The following AGAP1 variants were observed in gnomAD, a reference collection of about 807,000 sequenced individuals.
AGAP1 encodes the protein ArfGAP with GTPase domain, ankyrin repeat and PH domain 1, also known as arf-GAP with GTPase, ANK repeat and PH domain-containing protein 1.
In AGAP1, 29 loss-of-function variants were observed where a neutral mutation model predicts 105.3. That is an observed-to-expected ratio of 0.28 (90% CI 0.21 to 0.38). AGAP1 has a LOEUF of 0.38. Ranked by LOEUF, AGAP1 falls within the 10% of genes least tolerant of loss-of-function variation. AGAP1 has a pLI of 1.00. For synonymous variants in AGAP1, 509 were observed against 485.9 expected (o/e 1.05, Z -0.63); for missense variants, 998 against 1,165.1 (o/e 0.86, Z 2.09).
rs1476418003 is a variant in AGAP1 at position 235,725,656 on chromosome 2, A to G, written c.310+8012A>G. Among the ~76,000 whole-genome samples the G allele has an allele frequency of 6.6e-6, 1 of 152,204 alleles. No homozygotes were observed. Among genetic ancestry groups the G allele is most frequent in the Non-Finnish European group, 1.5e-5 (1 of 68,036 alleles). On this transcript the variant is annotated intron_variant, in intron 3 of 17. Transcript: ENST00000304032. This position sits in a 1 kb window ranked among gnomAD's most constrained non-coding sequence, Gnocchi z 5.7. Reference sequence around the variant, plus strand: ...ATTTTTTAATGAGAATTATCTGTAAACGTTGAGATGATGAGCCTGCTGCTA... The same window carrying G: ...ATTTTTTAATGAGAATTATCTGTAAGCGTTGAGATGATGAGCCTGCTGCTA...
chr2:235,684,297 G>A (rs932081279), intron 1 of AGAP1, among the ~76,000 whole-genome samples: 2 of 152,096 alleles, frequency 1.3e-5, no homozygotes, highest in African/African-American at 4.8e-5. Context: ...ACCCGCCTCG[G>A]CCTCCCAAAG....
In AGAP1 at chr2:236,003,202, G is replaced by A. The variant is rs1275576356; in HGVS notation, c.1646-33359G>A. ...TGGGACTACAGGCACATGCCGCCAC[G>A]CCCAGCTAATTTTTGTATTTTTAGT... On this transcript the variant is annotated intron_variant, in intron 13 of 17. Transcript: ENST00000304032. This position sits in a 1 kb window ranked among gnomAD's most constrained non-coding sequence, Gnocchi z 4.2. Among the ~76,000 whole-genome samples the A allele has an allele frequency of 5.9e-5, 9 of 152,006 alleles. No homozygotes were observed. The highest frequency in any genetic ancestry group is 4.2e-4 in the South Asian group (2 of 4,812).
At position 235,736,990 on chromosome 2, in the gene AGAP1, C is replaced by T. The variant is rs1016375259; in HGVS notation, c.311-3973C>T. ...TGCCAACGATGCTGTCATCCTAAGG[C>T]TCTCCTTCTGTGGTTAAAGTGGTTC... On this transcript the variant is annotated intron_variant, in intron 3 of 17. Transcript: ENST00000304032. The surrounding 1 kb of genome is among the most constrained non-coding windows in gnomAD (Gnocchi z 5.5). 6.6e-6 allele frequency among the ~76,000 whole-genome samples: 1 copy of T among 152,194 alleles called. No individual in the cohort carries two copies. Among genetic ancestry groups the T allele is most frequent in the African/African-American group, 2.4e-5 (1 of 41,454 alleles).
chr2:235,510,555 A>G (rs1189068758), intron 1 of AGAP1, among the ~76,000 whole-genome samples: 2 of 152,160 alleles, frequency 1.3e-5, no homozygotes, highest in South Asian at 2.1e-4. Context: ...TCTCTTGGGT[A>G]GATACCTAGG....
intron 1 of AGAP1, among the ~76,000 whole-genome samples, chr2:235,678,410 A>C (rs948660876): frequency 1.3e-5 from 2 of 152,220 alleles, no homozygotes; most frequent in Non-Finnish European, 1.5e-5. Context: ...AAGGAAACTT[A>C]AAGGAAAAAG....
intron 13 of AGAP1, among the ~76,000 whole-genome samples, chr2:235,998,178 C>T (rs1046058392): frequency 1.3e-5 from 2 of 152,190 alleles, no homozygotes; most frequent in East Asian, 1.9e-4. Flanking sequence ...AGAGAGCAAG[C>T]GTTAAGCTCT....
At position 235,799,854 on chromosome 2, in the gene AGAP1, T is replaced by A. The variant is rs1330921789; in HGVS notation, c.957+332T>A. Among the ~76,000 whole-genome samples, 2 of 152,108 alleles carry A rather than the reference T, an allele frequency of 1.3e-5. No individual in the cohort carries two copies. Among genetic ancestry groups the A allele is most frequent in the African/African-American group, 2.4e-5 (1 of 41,408 alleles). ...ATGACAAAACTCTAAGATTCCCAGATGTGTGTCTCTAACCGTTCAGATGAT... is the reference window on the plus strand; with the variant it reads ...ATGACAAAACTCTAAGATTCCCAGAAGTGTGTCTCTAACCGTTCAGATGAT... On this transcript the variant is annotated intron_variant, in intron 8 of 17. Coordinates refer to ENST00000304032, the MANE Select transcript of AGAP1 (RefSeq NM_001037131.3). The surrounding 1 kb of genome is among the most constrained non-coding windows in gnomAD (Gnocchi z 5.0).
In AGAP1 at chr2:236,035,416, T is replaced by C. The variant is rs1404949905; in HGVS notation, c.1646-1145T>C. Among the ~76,000 whole-genome samples, 1 of 152,126 alleles carries C rather than the reference T, an allele frequency of 6.6e-6. No individual in the cohort carries two copies. Among genetic ancestry groups the C allele is most frequent in the Non-Finnish European group, 1.5e-5 (1 of 68,004 alleles). On this transcript the variant is annotated intron_variant, in intron 13 of 17. Coordinates refer to ENST00000304032, the MANE Select transcript of AGAP1 (RefSeq NM_001037131.3). The surrounding 1 kb of genome is among the most constrained non-coding windows in gnomAD (Gnocchi z 4.2). ...TGGGAGGCCAAGGAGTGAGGATCAC[T>C]TGAGATCAGGAGTTTGAGACCAGCC...
intron 1 of AGAP1, among the ~76,000 whole-genome samples, chr2:235,515,150 A>G (rs1942327083): frequency 6.6e-6 from 1 of 151,884 alleles, no homozygotes; most frequent in Non-Finnish European, 1.5e-5. Context: ...TGGTAAGTTG[A>G]CTCTTTGGGT....
In AGAP1 at chr2:235,739,280, G is replaced by A. The variant is rs1321403091; in HGVS notation, c.311-1683G>A. Among the ~76,000 whole-genome samples, 3 of 152,240 alleles carry A rather than the reference G, an allele frequency of 2.0e-5. No homozygotes were observed. The highest frequency in any genetic ancestry group is 4.8e-5 in the African/African-American group (2 of 41,456). On this transcript the variant is annotated intron_variant, in intron 3 of 17. Transcript: ENST00000304032. The surrounding 1 kb of genome is among the most constrained non-coding windows in gnomAD (Gnocchi z 5.3). ...GCAGCACCGTCACATACGTGGGGAC[G>A]TCCACCTGTGTCAGATGTTTCCCAG...
intron 1 of AGAP1, among the ~76,000 whole-genome samples, chr2:235,704,996 T>TGC (rs1559374015): frequency 3.0e-5 from 4 of 135,266 alleles, no homozygotes; most frequent in South Asian, 2.5e-4. Context: ...TTTTTTTTTT[T>TGC]GCGACAGAGT....
Position 235,977,879 on chromosome 2 carries a change from T to G in AGAP1, c.1645+9256T>G, listed in dbSNP as rs192784256. On this transcript the variant is annotated intron_variant, in intron 13 of 17. Transcript: ENST00000304032. The surrounding 1 kb of genome is among the most constrained non-coding windows in gnomAD (Gnocchi z 5.2). Reference sequence around the variant, plus strand: ...CCTGCCATATCAAAATGCCACAGACTGGGGGCTTAACCAGCAGAAACTCAT... The same window carrying G: ...CCTGCCATATCAAAATGCCACAGACGGGGGGCTTAACCAGCAGAAACTCAT... 2.0e-5 allele frequency among the ~76,000 whole-genome samples: 3 copies of G among 152,324 alleles called. No homozygotes were observed. In the South Asian group the frequency reaches 6.2e-4, roughly 32 times the overall value.
rs1435289974 is a variant in AGAP1, at chr2:235,555,784, A to C, written c.163+60935A>C. On this transcript the variant is annotated intron_variant, in intron 1 of 17. Coordinates refer to ENST00000304032, the MANE Select transcript of AGAP1 (RefSeq NM_001037131.3). The surrounding 1 kb of genome is among the most constrained non-coding windows in gnomAD (Gnocchi z 5.1). ...AGGAGAGGAGACTTTGGGGGTCATC[A>C]CTCATTTCTGAGTTACAGAAGTTAA... 2.0e-5 allele frequency among the ~76,000 whole-genome samples: 3 copies of C among 152,072 alleles called. No individual in the cohort carries two copies. Among genetic ancestry groups the C allele is most frequent in the African/African-American group, 7.2e-5 (3 of 41,392 alleles).
rs908985381 is a variant in AGAP1 at position 235,843,842 on chromosome 2, G to A, written c.1050+36511G>A. ...CACTGCCACATTTTCTTTTCCTTTTGTGTCCACACTTGGCACAGAATCTTC... is the reference window on the plus strand; with the variant it reads ...CACTGCCACATTTTCTTTTCCTTTTATGTCCACACTTGGCACAGAATCTTC... On this transcript the variant is annotated intron_variant, in intron 9 of 17. Transcript: ENST00000304032. This position sits in a 1 kb window ranked among gnomAD's most constrained non-coding sequence, Gnocchi z 5.9. Among the ~76,000 whole-genome samples the A allele has an allele frequency of 1.3e-5, 2 of 152,166 alleles. No individual in the cohort carries two copies. The highest frequency in any genetic ancestry group is 4.8e-5 in the African/African-American group (2 of 41,434).
chr2:235,540,515 GA>G (rs1943401858), intron 1 of AGAP1, among the ~76,000 whole-genome samples: 2 of 152,194 alleles, frequency 1.3e-5, no homozygotes, highest in African/African-American at 4.8e-5. Context: ...TCAAAAAAGA[GA>G]AAAGGGCCTG....
At chr2:235,543,199 G>A (rs1225136623) in intron 1 of AGAP1, among the ~76,000 whole-genome samples, 3 of 150,950 alleles carry the variant, frequency 2.0e-5, no homozygotes, top group African/African-American at 7.3e-5. Flanking sequence ...TGGGATGCAG[G>A]CAGTAGTCAT....
Position 235,977,101 on chromosome 2 carries a change from C to T in AGAP1, c.1645+8478C>T, listed in dbSNP as rs1218579803. On this transcript the variant is annotated intron_variant, in intron 13 of 17. Transcript: ENST00000304032. The surrounding 1 kb of genome is among the most constrained non-coding windows in gnomAD (Gnocchi z 5.2). Reference sequence around the variant, plus strand: ...GAGATTCTCTTCTGCGAGTGGGGCTCGGTTAGCACAAGCTGCTCACAGGCT... The same window carrying T: ...GAGATTCTCTTCTGCGAGTGGGGCTTGGTTAGCACAAGCTGCTCACAGGCT... Among the ~76,000 whole-genome samples, 2 of 152,156 alleles carry T rather than the reference C, an allele frequency of 1.3e-5. No homozygotes were observed. Among genetic ancestry groups the T allele is most frequent in the East Asian group, 1.9e-4 (1 of 5,182 alleles).
Position 235,792,208 on chromosome 2 carries a change from A to T in AGAP1, c.674-5551A>T, listed in dbSNP as rs1314992299. Among the ~76,000 whole-genome samples the T allele has an allele frequency of 2.0e-5, 3 of 152,084 alleles. No individual in the cohort carries two copies. Among genetic ancestry groups the T allele is most frequent in the African/African-American group, 4.8e-5 (2 of 41,414 alleles). On this transcript the variant is annotated intron_variant, in intron 6 of 17. Coordinates refer to ENST00000304032, the MANE Select transcript of AGAP1 (RefSeq NM_001037131.3). The surrounding 1 kb of genome is among the most constrained non-coding windows in gnomAD (Gnocchi z 5.3). ...ACACCGAGTCATTAGTTGTCATCTA[A>T]TGGTGGCTCTTCAGTGTCACTGCAA...
chr2:235,837,080 G>T lies in AGAP1; in HGVS notation c.1050+29749G>T, dbSNP rs528534570. Among the ~76,000 whole-genome samples the T allele has an allele frequency of 3.3e-5, 5 of 152,154 alleles. No homozygotes were observed. In the South Asian group the frequency reaches 6.2e-4, roughly 19 times the overall value. On this transcript the variant is annotated intron_variant, in intron 9 of 17. Coordinates refer to ENST00000304032, the MANE Select transcript of AGAP1 (RefSeq NM_001037131.3). ...AGCTTACCGCAACCTCCGCCTCCGG[G>T]GTTCAAGAGATTCTCCTGCCTCAGC...
Sources: allele counts gnomAD v4.1 joint callset (sites outside exome capture counted in the v4.1 genomes callset), GRCh38; gene constraint gnomAD v4.1.1; non-coding constraint Gnocchi (gnomAD v3.1); transcripts MANE v1.5; gene names NCBI Gene and HGNC (gene_info 2026-07-23, HGNC 2026-07-21).